FBXO11: variants seen among roughly 807,000 people sequenced by gnomAD.
The protein encoded by FBXO11 is F-box protein 11, also known as F-box only protein 11.
FBXO11 carries 13 observed loss-of-function variants against 117.0 expected under a neutral mutation model. That is an observed-to-expected ratio of 0.11 (90% CI 0.07 to 0.18). The LOEUF (loss-of-function observed/expected upper bound fraction) is 0.18, where lower values mean the gene tolerates loss of function less well. Ranked by LOEUF, FBXO11 falls within the 10% of genes least tolerant of loss-of-function variation. The pLI, the probability that FBXO11 is intolerant of heterozygous loss-of-function variation, is 1.00. For synonymous variants in FBXO11, 490 were observed against 380.5 expected (o/e 1.29, Z -3.35); for missense variants, 767 against 1,164.4 (o/e 0.66, Z 4.97).
intron 1 of FBXO11, among the ~76,000 whole-genome samples, chr2:47,903,733 T>C (rs769004529): frequency 3.3e-5 from 5 of 152,226 alleles, no homozygotes; most frequent in African/African-American, 1.2e-4. Flanking sequence ...AATAGAATCC[T>C]TAATATTAAA....
At chr2:47,899,828 A>T (rs1311101049) in intron 1 of FBXO11, among the ~76,000 whole-genome samples, 1 of 152,232 alleles carries the variant, frequency 6.6e-6, no homozygotes, top group Non-Finnish European at 1.5e-5. Context: ...AAGTGGGACA[A>T]GACAGAAACA....
chr2:47,839,559 T>G (rs1672858332), intron 2 of FBXO11, 59 bp from the exon 3 acceptor site: 1 of 1,603,188 alleles, frequency 6.2e-7, no homozygotes. Context: ...TAATCATTAC[T>G]TCTAAAAAAG....
At chr2:47,839,248 T>C (rs1672835100) in intron 3 of FBXO11, among the ~76,000 whole-genome samples, 171 bp downstream of exon 3, 1 of 152,196 alleles carries the variant, frequency 6.6e-6, no homozygotes, top group Non-Finnish European at 1.5e-5. Context: ...AGCATTTTTA[T>C]ACAACAATAA....
intron 4 of FBXO11, 142 bp downstream of exon 4, chr2:47,838,717 G>T: frequency 3.0e-6 from 2 of 670,122 alleles, no homozygotes; most frequent in Non-Finnish European, 4.9e-6. Flanking sequence ...GCCCCCATTT[G>T]TAACTTGGAA....
intron 1 of FBXO11, among the ~76,000 whole-genome samples, chr2:47,860,924 G>A (rs185334243): frequency 1.4e-5 from 2 of 144,222 alleles, no homozygotes; most frequent in East Asian, 4.1e-4. Flanking sequence ...TCGGCTCACT[G>A]CAACCTCCAC....
chr2:47,882,276 T>C (rs933354039), intron 1 of FBXO11, among the ~76,000 whole-genome samples: 2 of 152,168 alleles, frequency 1.3e-5, no homozygotes, highest in African/African-American at 2.4e-5. Flanking sequence ...GGGTTGAATG[T>C]TGTGGAGAAT....
chr2:47,811,563 T>G (rs1670615651), intron 18 of FBXO11: 1 of 152,208 alleles, frequency 6.6e-6, no homozygotes, highest in African/African-American at 2.4e-5. Context: ...GTATAATGAA[T>G]CACATTCTGG....
chr2:47,905,715 G>A lies in FBXO11; in HGVS notation c.6C>T (p.Asn2=). M[N]SVRAANRRPR... is the part of the protein sequence containing the mutation. ...GTCTCCGGTTGGCGGCTCGGACGGAGTTCATTTGCCGGGCTGAGGTGGCGG... is the reference window on the plus strand; with the variant it reads ...GTCTCCGGTTGGCGGCTCGGACGGAATTCATTTGCCGGGCTGAGGTGGCGG... Residue 2 remains asparagine (N), a synonymous_variant, in exon 1 of 23, where the codon AAC becomes AAT. Transcript: ENST00000403359. The A allele has an allele frequency of 6.6e-7, 1 of 1,524,934 alleles. No homozygotes were observed. The highest frequency in any genetic ancestry group is 8.8e-7 in the Non-Finnish European group (1 of 1,138,350). The allele number at this position is 1,524,934 out of a possible 1,614,324, so 94.5% of individuals were successfully genotyped here. A position where few individuals can be genotyped will look rare whatever the true frequency, so the allele number is the denominator to read the frequency against.
intron 21 of FBXO11, 182 bp from the exon 22 acceptor site, chr2:47,808,609 G>GT: frequency 1.9e-6 from 1 of 514,958 alleles, no homozygotes; most frequent in Non-Finnish European, 3.4e-6. Context: ...CCTGTCATCT[G>GT]TGTCTTCGGA....
In FBXO11 at chr2:47,807,709, A is replaced by AT. The variant is rs1670321847; in HGVS notation, c.*408dup. On this transcript the variant is annotated 3_prime_UTR_variant, in exon 23 of 23. Coordinates refer to ENST00000403359, the MANE Select transcript of FBXO11 (RefSeq NM_001190274.2). Reference sequence around the variant, plus strand: ...AAGGAACGCAGAAGTGCTAGCTCACATTTTTACCATATTACAAAAGCAATT... The same window carrying AT: ...AAGGAACGCAGAAGTGCTAGCTCACATTTTTTACCATATTACAAAAGCAATT... 8.5e-6 allele frequency: 2 copies of AT among 235,648 alleles called. No homozygotes were observed. The highest frequency in any genetic ancestry group is 4.4e-5 in the African/African-American group (2 of 45,108). 14.6% of individuals were successfully genotyped at this position (235,648 alleles called of 1,614,324 possible).
At chr2:47,894,851 A>C (rs1162024434) in intron 1 of FBXO11, among the ~76,000 whole-genome samples, 4 of 151,874 alleles carry the variant, frequency 2.6e-5, no homozygotes, top group African/African-American at 9.7e-5. Context: ...CAAAAAAATG[A>C]AAATGTGAAA....
chr2:47,891,803 C>A (rs978370830), intron 1 of FBXO11, among the ~76,000 whole-genome samples: 1 of 152,026 alleles, frequency 6.6e-6, no homozygotes, highest in Non-Finnish European at 1.5e-5. Flanking sequence ...TTTTTTTAAA[C>A]AGTCATCCTA....
chr2:47,901,140 T>TAC lies in FBXO11; in HGVS notation c.232+4347_232+4348dup, dbSNP rs1341818246. Among the ~76,000 whole-genome samples, 3 of 134,890 alleles carry TAC rather than the reference T, an allele frequency of 2.2e-5. No individual in the cohort carries two copies. The East Asian group carries it at 7.1e-4, about 32-fold the overall frequency. 88.5% of individuals were successfully genotyped at this position (134,890 alleles called of 152,430 possible). A position where few individuals can be genotyped will look rare whatever the true frequency, so the allele number is the denominator to read the frequency against. ...ACACACGTGTGTACATGTATATATA[T>TAC]ACACACGTGTGTACATATATACATA... On this transcript the variant is annotated intron_variant, in intron 1 of 22. Transcript: ENST00000403359.
At chr2:47,851,278 G>C (rs1004319686) in intron 1 of FBXO11, among the ~76,000 whole-genome samples, 3 of 152,126 alleles carry the variant, frequency 2.0e-5, no homozygotes, top group African/African-American at 7.2e-5. Flanking sequence ...ACAGGCTGGA[G>C]TGCAGTGGTG....
chr2:47,896,531 T>C (rs745956150), intron 1 of FBXO11, among the ~76,000 whole-genome samples: 1 of 152,128 alleles, frequency 6.6e-6, no homozygotes, highest in Non-Finnish European at 1.5e-5. Context: ...GGTTTCGCCA[T>C]GTTGCCCAGG....
intron 1 of FBXO11, among the ~76,000 whole-genome samples, chr2:47,853,352 G>A (rs1292595593): frequency 1.3e-5 from 2 of 152,022 alleles, no homozygotes; most frequent in South Asian, 2.1e-4. Context: ...TTACAGGCAT[G>A]AGCCACCGTG....
chr2:47,856,817 G>C (rs1303073552), intron 1 of FBXO11, among the ~76,000 whole-genome samples: 2 of 152,186 alleles, frequency 1.3e-5, no homozygotes, highest in Admixed American at 6.5e-5. Context: ...ATGTAGAACT[G>C]AAACAGTACA....
chr2:47,860,691 G>C (rs114532202), intron 1 of FBXO11, among the ~76,000 whole-genome samples: 1,899 of 149,546 alleles, frequency 0.013, 20 homozygotes, highest in Middle Eastern at 0.03. Flanking sequence ...ACATGCGTGA[G>C]CCACCACGCC....
intron 1 of FBXO11, among the ~76,000 whole-genome samples, chr2:47,884,154 G>C (rs966487583): frequency 2.0e-5 from 3 of 152,176 alleles, no homozygotes; most frequent in Non-Finnish European, 2.9e-5. Flanking sequence ...GGGAGGCAGA[G>C]GTTTCAGTGA....
Sources: allele counts gnomAD v4.1 joint callset (sites outside exome capture counted in the v4.1 genomes callset), GRCh38; gene constraint gnomAD v4.1.1; transcripts MANE v1.5; gene names NCBI Gene and HGNC (gene_info 2026-07-23, HGNC 2026-07-21).